AFAP1L2: variants seen among roughly 807,000 people sequenced by gnomAD.
The protein encoded by AFAP1L2 is actin filament-associated protein 1-like 2.
AFAP1L2 carries 46 observed loss-of-function variants against 99.3 expected under a neutral mutation model. That is an observed-to-expected ratio of 0.46 (90% CI 0.37 to 0.59). The LOEUF (loss-of-function observed/expected upper bound fraction) is 0.59. AFAP1L2 is among the 20% of genes least tolerant of loss of function. The pLI is 0.00. For synonymous variants in AFAP1L2, 397 were observed against 419.1 expected, an observed-to-expected ratio of 0.95 and a Z score of 0.64; for missense variants, 959 against 1,034.9, an observed-to-expected ratio of 0.93 and a Z score of 1.01.
At chr10:114,290,434 A>G, downstream of AFAP1L2, 1 of 1,533,726 alleles carries the variant, frequency 6.5e-7, no homozygotes, top group Non-Finnish European at 8.8e-7. Context: ...AGTCCCACAA[A>G]CTCAGCTGAA....
Position 114,368,767 on chromosome 10 carries a change from A to AAC in AFAP1L2, c.17-28038_17-28037dup, listed in dbSNP as rs34854872. On this transcript the variant is annotated intron_variant, in intron 1 of 18. Transcript: ENST00000304129. ...AAACATGGATCTTAAGTGTCCTTAC[A>AAC]ACACACACACACACACACACACACA... Among the ~76,000 whole-genome samples the AAC allele has an allele frequency of 5.6e-3, 785 of 140,724 alleles. 1 individual carries two copies. Among genetic ancestry groups the AAC allele is most frequent in the African/African-American group, 0.013 (509 of 37,988 alleles). 92.3% of individuals were successfully genotyped at this position (140,724 alleles called of 152,430 possible).
chr10:114,404,485 C>T lies in AFAP1L2; in HGVS notation c.-30G>A, dbSNP rs368535865. On this transcript the variant is annotated 5_prime_UTR_variant, in exon 1 of 19. Coordinates refer to ENST00000304129, the MANE Select transcript of AFAP1L2 (RefSeq NM_001001936.3). ...GCCACGGAGTGCGCTCCTCGCGGCT[C>T]GGCTTCTGCGCTGCTCTCCCGGCGC... The T allele has an allele frequency of 8.5e-6, 13 of 1,533,940 alleles. No individual in the cohort carries two copies. Among genetic ancestry groups the T allele is most frequent in the African/African-American group, 2.8e-5 (2 of 71,504 alleles).
At chr10:114,371,627 C>T (rs1294023790) in intron 1 of AFAP1L2, among the ~76,000 whole-genome samples, 2 of 151,036 alleles carry the variant, frequency 1.3e-5, no homozygotes, top group Non-Finnish European at 2.9e-5. Flanking sequence ...CACATGGACA[C>T]AGGGAGGGAA....
intron 1 of AFAP1L2, among the ~76,000 whole-genome samples, chr10:114,349,620 A>G (rs2050156267): frequency 6.6e-6 from 1 of 151,224 alleles, no homozygotes; most frequent in African/African-American, 2.4e-5. Flanking sequence ...AGATATCTAT[A>G]TGTTTACATA....
the AFAP1L2 span, among the ~76,000 whole-genome samples, chr10:114,287,994 T>C: frequency 6.6e-6 from 1 of 152,096 alleles, no homozygotes; most frequent in Non-Finnish European, 1.5e-5. Context: ...GGTGTGGGAG[T>C]GGTTTTAAAA....
chr10:114,315,534 G>T, intron 6 of AFAP1L2, 26 bp downstream of exon 6: 1 of 1,611,460 alleles, frequency 6.2e-7, no homozygotes, highest in Non-Finnish European at 8.5e-7. Flanking sequence ...GGAGTCGGGG[G>T]ACAAGACGAC....
At chr10:114,349,767 C>G (rs2050177330) in intron 1 of AFAP1L2, among the ~76,000 whole-genome samples, 1 of 140,002 alleles carries the variant, frequency 7.1e-6, no homozygotes, top group African/African-American at 2.7e-5. Context: ...AGTGTAAATA[C>G]TCAAGAAGTT....
chr10:114,402,947 A>G lies in AFAP1L2; in HGVS notation c.16+1493T>C, dbSNP rs532561554. Among the ~76,000 whole-genome samples, 5 of 152,220 alleles carry G rather than the reference A, an allele frequency of 3.3e-5. No individual in the cohort carries two copies. The South Asian group carries it at 1.0e-3, about 32-fold the overall frequency. On this transcript the variant is annotated intron_variant, in intron 1 of 18. Transcript: ENST00000304129. ...GGCTCAACTCAAGGCCTGAATTCCC[A>G]GAGAGGGTCCCTCCCGAAGGGCGGA...
intron 5 of AFAP1L2, among the ~76,000 whole-genome samples, chr10:114,322,653 T>A (rs1215027333): frequency 6.6e-6 from 1 of 152,134 alleles, no homozygotes; most frequent in Non-Finnish European, 1.5e-5. Flanking sequence ...CACATGCTGT[T>A]TATTTGTTGT....
chr10:114,340,524 T>C, intron 2 of AFAP1L2, 79 bp downstream of exon 2: 1 of 1,508,100 alleles, frequency 6.6e-7, no homozygotes, highest in Non-Finnish European at 8.9e-7. Context: ...CTGTGATCCT[T>C]AGCTATGGCA....
At position 114,297,036 on chromosome 10, in the gene AFAP1L2, T is replaced by C. The variant is rs1440853692; in HGVS notation, c.2372A>G (p.Lys791Arg). 3 of 1,614,156 alleles carry C rather than the reference T, an allele frequency of 1.9e-6. No homozygotes were observed. Among genetic ancestry groups the C allele is most frequent in the Middle Eastern group, 3.3e-4 (2 of 6,062 alleles). Residue 791 changes from lysine to arginine, a missense_variant, in exon 18 of 19, where the codon AAG (lysine) becomes AGG (arginine). Around this residue, in one of 2 missense-constraint regions of AFAP1L2, gnomAD observed 576 missense variants for 562.1 expected, o/e 1.02. Coordinates refer to ENST00000304129, the MANE Select transcript of AFAP1L2 (RefSeq NM_001001936.3). ...GACCACGACCGAGAGAGGCCTGTTC[T>C]TGAGTGTGGTTGCAGAGTTGACTGG... is the stretch of plus-strand genomic sequence containing the variant. ...CTPVNSATTLKNRPLSVVVTG... is the reference protein window; with the variant it reads ...CTPVNSATTLRNRPLSVVVTG...
At chr10:114,288,362 T>G in the AFAP1L2 span, among the ~76,000 whole-genome samples, 346 of 152,370 alleles carry the variant, frequency 2.3e-3, 2 homozygotes, top group African/African-American at 8.0e-3. Context: ...TGTCAGCCTG[T>G]TGACAGCAGG....
At chr10:114,383,887 C>T (rs187860095) in intron 1 of AFAP1L2, among the ~76,000 whole-genome samples, 10 of 152,292 alleles carry the variant, frequency 6.6e-5, no homozygotes, top group East Asian at 1.9e-4. Context: ...AGGCTCTCCC[C>T]GTCTCTTCCT....
chr10:114,397,036 G>C (rs1590877298), intron 1 of AFAP1L2, among the ~76,000 whole-genome samples: 2 of 151,798 alleles, frequency 1.3e-5, no homozygotes, highest in African/African-American at 4.8e-5. Flanking sequence ...ACCCAACCTT[G>C]ACCTTGAACC....
chr10:114,330,829 G>A (rs2047126799), intron 4 of AFAP1L2, among the ~76,000 whole-genome samples: 1 of 152,218 alleles, frequency 6.6e-6, no homozygotes, highest in Non-Finnish European at 1.5e-5. Context: ...GTCCTCAGGA[G>A]CTGACATCAG....
intron 5 of AFAP1L2, chr10:114,319,474 G>T (rs2044738432): frequency 1.9e-6 from 2 of 1,031,668 alleles, no homozygotes; most frequent in African/African-American, 3.3e-5. Flanking sequence ...GAAGAAGACA[G>T]TGGCCACCCT....
At chr10:114,387,447 C>A (rs897804514) in intron 1 of AFAP1L2, among the ~76,000 whole-genome samples, 1 of 152,128 alleles carries the variant, frequency 6.6e-6, no homozygotes, top group African/African-American at 2.4e-5. Context: ...TTACTAAAAG[C>A]AAAGGCTGTA....
intron 1 of AFAP1L2, among the ~76,000 whole-genome samples, chr10:114,397,615 A>C (rs1184672734): frequency 6.6e-6 from 1 of 152,172 alleles, no homozygotes; most frequent in Non-Finnish European, 1.5e-5. Flanking sequence ...GGGACACCAG[A>C]CTTTCAGTGG....
chr10:114,304,100 T>C (rs1332886729), intron 11 of AFAP1L2, among the ~76,000 whole-genome samples: 6 of 152,200 alleles, frequency 3.9e-5, no homozygotes, highest in Non-Finnish European at 8.8e-5. Flanking sequence ...GCAATTGCGA[T>C]GTGGGTCTTT....
Sources: allele counts gnomAD v4.1 joint callset (sites outside exome capture counted in the v4.1 genomes callset), GRCh38; gene constraint gnomAD v4.1.1; regional missense constraint gnomAD v4.1.1; transcripts MANE v1.5; gene names NCBI Gene and HGNC (gene_info 2026-07-23, HGNC 2026-07-21).